BCAN: variants seen among roughly 807,000 people sequenced by gnomAD.
The protein encoded by BCAN is brevican.
Under a neutral mutation model 92.4 loss-of-function variants are expected in BCAN, and 51 were observed. The observed-to-expected ratio is 0.55, with a 90% CI of 0.44 to 0.70. The LOEUF (loss-of-function observed/expected upper bound fraction) is 0.70, where lower values mean the gene tolerates loss of function less well. Ranked by LOEUF, BCAN falls within the 30% of genes least tolerant of loss-of-function variation. The pLI, the probability that BCAN is intolerant of heterozygous loss-of-function variation, is 0.00. For synonymous variants in BCAN, 501 were observed against 505.2 expected (o/e 0.99, Z 0.11); for missense variants, 1,140 against 1,212.1 (o/e 0.94, Z 0.88).
rs777441108 is a variant in BCAN, at chr1:156,658,508, A to G, written c.2438-35A>G. On this transcript the variant is annotated intron_variant, in intron 12 of 13. Coordinates refer to ENST00000329117, the MANE Select transcript of BCAN (RefSeq NM_021948.5). The surrounding 1 kb of genome is among the most constrained non-coding windows in gnomAD (Gnocchi z 4.4). ...AGATTCTGGGAACTGTCACCCACAG[A>G]GCCAGGCTCAGTTCCTAACTGTCTT... 3 of 1,593,346 alleles carry G rather than the reference A, an allele frequency of 1.9e-6. No homozygotes were observed. The highest frequency in any genetic ancestry group is 2.6e-6 in the Non-Finnish European group (3 of 1,165,784).
At chr1:156,650,004 G>A (rs765725260) in intron 6 of BCAN, 4 of 513,784 alleles carry the variant, frequency 7.8e-6, no homozygotes, top group Admixed American at 4.0e-5. Flanking sequence ...GAGAGACTGA[G>A]AGAAAAGCAT....
rs548580874 is a variant in BCAN, at chr1:156,642,344, T to G, written c.-9+69T>G. 6.5e-6 allele frequency: 1 copy of G among 152,706 alleles called. No homozygotes were observed. Among genetic ancestry groups the G allele is most frequent in the South Asian group, 2.1e-4 (1 of 4,826 alleles). 9.5% of individuals were successfully genotyped at this position (152,706 alleles called of 1,614,324 possible). Reference sequence around the variant, plus strand: ...CAGGGAGAAGGGAGTGCCTGCCTGGTCTGCGCCCCCCGCCTGTCAGCCCTT... The same window carrying G: ...CAGGGAGAAGGGAGTGCCTGCCTGGGCTGCGCCCCCCGCCTGTCAGCCCTT... On this transcript the variant is annotated intron_variant, in intron 1 of 13. Coordinates refer to ENST00000329117, the MANE Select transcript of BCAN (RefSeq NM_021948.5). This position sits in a 1 kb window ranked among gnomAD's most constrained non-coding sequence, Gnocchi z 4.2.
At chr1:156,657,512 T>G (rs925596100) in intron 10 of BCAN, 163 bp from the exon 11 acceptor site, 7 of 581,818 alleles carry the variant, frequency 1.2e-5, no homozygotes, top group Non-Finnish European at 1.8e-5. Context: ...TCCCCTGCTT[T>G]CCATCTGGCC....
Position 156,657,772 on chromosome 1 carries a change from T to A in BCAN, c.2292+15T>A, listed in dbSNP as rs1397895771. On this transcript the variant is annotated intron_variant, in intron 11 of 13. Coordinates refer to ENST00000329117, the MANE Select transcript of BCAN (RefSeq NM_021948.5). Reference sequence around the variant, plus strand: ...GCGTCCCCCTGGTGAGAGGCCCCAGTCGAACCCCGCCGTCTAGCTCACTTC... The same window carrying A: ...GCGTCCCCCTGGTGAGAGGCCCCAGACGAACCCCGCCGTCTAGCTCACTTC... 3.1e-6 allele frequency: 5 copies of A among 1,603,166 alleles called. No homozygotes were observed. The highest frequency in any genetic ancestry group is 4.3e-6 in the Non-Finnish European group (5 of 1,174,760).
intron 6 of BCAN, 60 bp from the exon 7 acceptor site, chr1:156,651,396 T>C: frequency 7.0e-7 from 1 of 1,428,988 alleles, no homozygotes; most frequent in Non-Finnish European, 9.7e-7. Flanking sequence ...GTGCAAGCTG[T>C]GACCTGGGAG....
chr1:156,656,643 C>T, intron 9 of BCAN: 1 of 511,114 alleles, frequency 2.0e-6, no homozygotes, highest in Non-Finnish European at 3.5e-6. Flanking sequence ...CAATACATGA[C>T]AGGCTCCATT....
chr1:156,649,795 G>C, intron 6 of BCAN: 1 of 497,860 alleles, frequency 2.0e-6, no homozygotes, highest in Non-Finnish European at 4.0e-6. Flanking sequence ...CCGACAATAA[G>C]AGAGGCATTG....
chr1:156,644,315 C>T (rs1678892221), intron 1 of BCAN: 1 of 152,328 alleles, frequency 6.6e-6, no homozygotes, highest in Admixed American at 6.5e-5. Flanking sequence ...GGAGCCAGGT[C>T]TGTGAGCAGC....
At position 156,659,063 on chromosome 1, in the gene BCAN, C is replaced by A. The variant is rs762442486; in HGVS notation, c.2665C>A (p.Arg889Ser). The change falls in exon 14 of 14, where the codon CGT (arginine) becomes AGT (serine). Residue 889 changes from arginine to serine, a missense_variant. Physicochemically the swap from Arg to Ser is moderately radical, Grantham distance 110. Around this residue, in one of 3 missense-constraint regions of BCAN, gnomAD observed 825 missense variants for 871.8 expected, o/e 0.95. Coordinates refer to ENST00000329117, the MANE Select transcript of BCAN (RefSeq NM_021948.5). ...GCACCCAGAGGAGGACCCAGAAGGA[C>A]GTCAGGGGAGGCTACTGGGACGCTG... ...ALHPEEDPEGRQGRLLGRWKA... is the reference protein window; with the variant it reads ...ALHPEEDPEGSQGRLLGRWKA... The A allele has an allele frequency of 9.4e-6, 15 of 1,601,986 alleles. No individual in the cohort carries two copies. In the South Asian group the frequency reaches 1.6e-4, roughly 17 times the overall value.
At chr1:156,657,897 C>A in intron 11 of BCAN, 140 bp downstream of exon 11, 1 of 838,804 alleles carries the variant, frequency 1.2e-6, no homozygotes, top group Admixed American at 2.9e-5. Flanking sequence ...CCTCTTCTCC[C>A]TGGGCTCTCC....
rs372851035 is a variant in BCAN, at chr1:156,659,158, G to A, written c.*24G>A. On this transcript the variant is annotated 3_prime_UTR_variant, in exon 14 of 14. Transcript: ENST00000329117. ...AGGGGGCAAGGCCTTGAACACTGCC[G>A]GCCACAGCACTGCCCTGTCACCCAA... The A allele has an allele frequency of 1.3e-4, 198 of 1,528,656 alleles. 1 individual carries two copies. Among genetic ancestry groups the A allele is most frequent in the South Asian group, 1.7e-4 (14 of 83,012 alleles). The allele number at this position is 1,528,656 out of a possible 1,614,324, so 94.7% of individuals were successfully genotyped here. A position where few individuals can be genotyped will look rare whatever the true frequency, so the allele number is the denominator to read the frequency against.
chr1:156,647,663 C>A lies in BCAN; in HGVS notation c.622C>A (p.Leu208Met). ...CTATGAGCAATGTGATGCTGGCTGGCTGTCGGATCAGACCGTGAGGTGGGC... is the reference window on the plus strand; with the variant it reads ...CTATGAGCAATGTGATGCTGGCTGGATGTCGGATCAGACCGTGAGGTGGGC... ...GGYEQCDAGW[L>M]SDQTVRYPIQ... is the part of the protein sequence containing the mutation. The change falls in exon 4 of 14, where the codon CTG (leucine) becomes ATG (methionine). Residue 208 changes from leucine (L) to methionine (M), a missense_variant. This residue lies in a region of BCAN where 29 missense variants were observed against 56.2 expected (regional missense o/e 0.52). Transcript: ENST00000329117. The surrounding 1 kb of genome is among the most constrained non-coding windows in gnomAD (Gnocchi z 4.8). 7 of 1,597,800 alleles carry A rather than the reference C, an allele frequency of 4.4e-6. No homozygotes were observed. Among genetic ancestry groups the A allele is most frequent in the Non-Finnish European group, 6.0e-6 (7 of 1,171,372 alleles).
intron 8 of BCAN, among the ~76,000 whole-genome samples, chr1:156,655,124 ACC>A (rs1679289490): frequency 6.6e-6 from 1 of 151,832 alleles, no homozygotes; most frequent in Non-Finnish European, 1.5e-5. Flanking sequence ...GAGGGCCTTG[ACC>A]TTACCATGGC....
In BCAN at chr1:156,642,876, T is replaced by G. The variant is rs904445370; in HGVS notation, c.-9+601T>G. 6.6e-6 allele frequency: 1 copy of G among 152,226 alleles called. No homozygotes were observed. 9.4% of individuals were successfully genotyped at this position (152,226 alleles called of 1,614,324 possible). A position where few individuals can be genotyped will look rare whatever the true frequency, so the allele number is the denominator to read the frequency against. On this transcript the variant is annotated intron_variant, in intron 1 of 13. Transcript: ENST00000329117. This position sits in a 1 kb window ranked among gnomAD's most constrained non-coding sequence, Gnocchi z 4.2. ...AATGAGCAAAACATAAACAATCTTT[T>G]TCTCACAGTTGAGGTTATCCACAGG...
chr1:156,651,749 G>C, intron 7 of BCAN, 60 bp downstream of exon 7: 1 of 1,451,852 alleles, frequency 6.9e-7, no homozygotes, highest in South Asian at 1.3e-5. Flanking sequence ...GGCAGAAGAG[G>C]CAAGCCCAGG....
intron 7 of BCAN, 100 bp downstream of exon 7, chr1:156,651,789 C>A: frequency 9.3e-7 from 1 of 1,074,132 alleles, no homozygotes; most frequent in Non-Finnish European, 1.3e-6. Context: ...TGACATGACT[C>A]TGCCCTGTCC....
rs1217585380 is a variant in BCAN at position 156,646,104 on chromosome 1, C to T, written c.50C>T (p.Ala17Val). The T allele has an allele frequency of 3.1e-6, 5 of 1,613,936 alleles. No homozygotes were observed. Among genetic ancestry groups the T allele is most frequent in the Non-Finnish European group, 4.2e-6 (5 of 1,179,838 alleles). The part of the protein sequence containing the change: ...PLLAALVLAQ[A>V]PAALADVLEG... Reference sequence around the variant, plus strand: ...CTGGCAGCCCTGGTCCTGGCCCAGGCTCCTGCAGCTTTAGCAGATGTTCTG... The same window carrying T: ...CTGGCAGCCCTGGTCCTGGCCCAGGTTCCTGCAGCTTTAGCAGATGTTCTG... The change falls in exon 2 of 14, where the codon GCT (alanine) becomes GTT (valine). Residue 17 changes from alanine to valine, a missense_variant. Ala to Val is a moderately conservative substitution (Grantham distance 64). Coordinates refer to ENST00000329117, the MANE Select transcript of BCAN (RefSeq NM_021948.5).
rs79359814 is a variant in BCAN at position 156,658,675 on chromosome 1, G to A, written c.2570G>A (p.Arg857Gln). The A allele has an allele frequency of 3.1e-6, 5 of 1,614,174 alleles. No individual in the cohort carries two copies. The highest frequency in any genetic ancestry group is 1.7e-5 in the Admixed American group (1 of 60,034). Residue 857 changes from arginine (R) to glutamine (Q), a missense_variant, in exon 13 of 14, where the codon CGA (arginine) becomes CAA (glutamine). Arg to Gln is a conservative substitution (Grantham distance 43). This residue lies in a region of BCAN where 825 missense variants were observed against 871.8 expected (regional missense o/e 0.95). Coordinates refer to ENST00000329117, the MANE Select transcript of BCAN (RefSeq NM_021948.5). This position sits in a 1 kb window ranked among gnomAD's most constrained non-coding sequence, Gnocchi z 4.4. ...GLAQRNLPLI[R>Q]CQENGRWEAP... ...GCCCAGCGCAATCTGCCGCTGATCC[G>A]ATGCCAAGAGAACGGTCGTTGGGAG...
intron 2 of BCAN, 30 bp from the exon 3 acceptor site, chr1:156,646,771 T>A: frequency 6.6e-7 from 1 of 1,518,950 alleles, no homozygotes; most frequent in Non-Finnish European, 8.8e-7. Flanking sequence ...TCGACAGCGT[T>A]AAGTTCCAGC....
Sources: gnomAD v4.1 joint callset for allele counts (sites outside exome capture counted in the v4.1 genomes callset) on GRCh38, gnomAD v4.1.1 for gene constraint, gnomAD v4.1.1 regional missense constraint, Gnocchi (gnomAD v3.1) non-coding constraint, MANE v1.5 for transcripts, NCBI Gene and HGNC (gene_info 2026-07-23, HGNC 2026-07-21) for gene names.